The following VWC2L variants were observed in gnomAD, a reference collection of about 807,000 sequenced individuals.
VWC2L encodes von Willebrand factor C domain-containing protein 2-like.
Under a neutral mutation model 21.6 loss-of-function variants are expected in VWC2L, and 10 were observed. The ratio of observed to expected loss-of-function variants is 0.46; its 90% CI spans 0.29 to 0.78. The LOEUF (loss-of-function observed/expected upper bound fraction) is 0.78, where lower values mean the gene tolerates loss of function less well. VWC2L is among the 30% of genes least tolerant of loss of function. The pLI, the probability that VWC2L is intolerant of heterozygous loss-of-function variation, is 0.10. For synonymous variants in VWC2L, 96 were observed against 94.3 expected, an observed-to-expected ratio of 1.02 and a Z score of -0.10; for missense variants, 209 against 277.1, an observed-to-expected ratio of 0.75 and a Z score of 1.74.
chr2:214,488,467 T>C (rs1390431233), intron 3 of VWC2L, among the ~76,000 whole-genome samples: 1 of 151,982 alleles, frequency 6.6e-6, no homozygotes, highest in African/African-American at 2.4e-5. Flanking sequence ...GCCGTAGTGG[T>C]GTACACATGT....
intron 3 of VWC2L, among the ~76,000 whole-genome samples, chr2:214,542,196 A>C (rs759888303): frequency 1.3e-4 from 20 of 152,236 alleles, no homozygotes; most frequent in Admixed American, 3.3e-4. Flanking sequence ...TTTTGGGAAA[A>C]CAAGCTATGC....
At chr2:214,487,185 T>C (rs1688682866) in intron 3 of VWC2L, among the ~76,000 whole-genome samples, 1 of 152,208 alleles carries the variant, frequency 6.6e-6, no homozygotes. Context: ...GCCTCCAGAA[T>C]TGTTAGAAAA....
At chr2:214,420,258 C>T (rs539156807) in intron 2 of VWC2L, among the ~76,000 whole-genome samples, 4 of 151,992 alleles carry the variant, frequency 2.6e-5, no homozygotes, top group Admixed American at 1.3e-4. Context: ...TCTGTAAAAA[C>T]GTTTGAGTGG....
chr2:214,427,103 GA>G (rs1322295770), intron 2 of VWC2L, among the ~76,000 whole-genome samples: 1 of 152,080 alleles, frequency 6.6e-6, no homozygotes, highest in Non-Finnish European at 1.5e-5. Flanking sequence ...TTTTAAAAAA[GA>G]AAATGCAAAA....
At chr2:214,504,988 T>C (rs552655565) in intron 3 of VWC2L, among the ~76,000 whole-genome samples, 6 of 152,160 alleles carry the variant, frequency 3.9e-5, no homozygotes, top group African/African-American at 7.2e-5. Context: ...CTTAAAGATA[T>C]CATAATTAGT....
chr2:214,436,316 A>C (rs745868754), intron 2 of VWC2L: 13 of 234,098 alleles, frequency 5.6e-5, no homozygotes, highest in Admixed American at 9.6e-5. Flanking sequence ...CAATCAGTAC[A>C]TCTGGAAAAC....
intron 3 of VWC2L, among the ~76,000 whole-genome samples, chr2:214,461,866 G>C (rs77559336): frequency 6.6e-6 from 1 of 152,208 alleles, no homozygotes; most frequent in African/African-American, 2.4e-5. Flanking sequence ...TCTGGTGTGC[G>C]TGTGGTTGCT....
intron 3 of VWC2L, among the ~76,000 whole-genome samples, chr2:214,566,667 G>C (rs1349943305): frequency 6.6e-6 from 1 of 151,852 alleles, no homozygotes; most frequent in Non-Finnish European, 1.5e-5. Flanking sequence ...TCTACTCTTT[G>C]GTCTGGAAGC....
chr2:214,510,970 C>T (rs1689042243), intron 3 of VWC2L, among the ~76,000 whole-genome samples: 1 of 152,168 alleles, frequency 6.6e-6, no homozygotes, highest in Non-Finnish European at 1.5e-5. Flanking sequence ...ACCAACATAA[C>T]ACTTTGAACC....
At chr2:214,453,883 G>C (rs1029978737) in intron 3 of VWC2L, among the ~76,000 whole-genome samples, 1 of 151,780 alleles carries the variant, frequency 6.6e-6, no homozygotes, top group Admixed American at 6.6e-5. Context: ...GCCACACCCA[G>C]CTAATTTTTT....
At chr2:214,456,030 T>C (rs941632370) in intron 3 of VWC2L, among the ~76,000 whole-genome samples, 8 of 152,188 alleles carry the variant, frequency 5.3e-5, no homozygotes, top group African/African-American at 1.9e-4. Context: ...GATATACTGA[T>C]TTCCTTTCCT....
chr2:214,568,342 C>CA (rs1197901061), intron 3 of VWC2L, among the ~76,000 whole-genome samples: 1 of 152,136 alleles, frequency 6.6e-6, no homozygotes, highest in Admixed American at 6.6e-5. Flanking sequence ...TCCCTGAAGG[C>CA]AAAAACTCTT....
At chr2:214,519,464 C>G (rs938223892) in intron 3 of VWC2L, among the ~76,000 whole-genome samples, 8 of 152,186 alleles carry the variant, frequency 5.3e-5, no homozygotes, top group Non-Finnish European at 1.2e-4. Flanking sequence ...ACACAGTGCT[C>G]TGACAGCTGT....
At chr2:214,455,813 G>A (rs1191252487) in intron 3 of VWC2L, among the ~76,000 whole-genome samples, 2 of 152,074 alleles carry the variant, frequency 1.3e-5, no homozygotes, top group Non-Finnish European at 2.9e-5. Context: ...TTCTCTTTCT[G>A]TGCTTGGCTC....
chr2:214,448,506 T>C (rs1702906067), intron 3 of VWC2L, among the ~76,000 whole-genome samples: 1 of 152,180 alleles, frequency 6.6e-6, no homozygotes. Context: ...AGCCTGCACA[T>C]ATTAACTGAT....
intron 3 of VWC2L, among the ~76,000 whole-genome samples, chr2:214,537,679 A>T (rs1689557313): frequency 6.6e-6 from 1 of 152,104 alleles, no homozygotes; most frequent in South Asian, 2.1e-4. Context: ...CATTGTATAC[A>T]TACATCATAA....
At chr2:214,445,682 A>G (rs1379829363) in intron 3 of VWC2L, among the ~76,000 whole-genome samples, 3 of 151,774 alleles carry the variant, frequency 2.0e-5, no homozygotes. Context: ...GATAATTTTT[A>G]TTTTCTTCCT....
intron 3 of VWC2L, among the ~76,000 whole-genome samples, chr2:214,546,550 T>C (rs1689709730): frequency 6.6e-6 from 1 of 152,178 alleles, no homozygotes. Context: ...AAATGAAGTA[T>C]AATGTTCACA....
chr2:214,486,758 T>C (rs1688678275), intron 3 of VWC2L, among the ~76,000 whole-genome samples: 1 of 152,222 alleles, frequency 6.6e-6, no homozygotes, highest in South Asian at 2.1e-4. Context: ...CTGTCACTAC[T>C]CTGCTTTTAA....
Sources: allele counts gnomAD v4.1 joint callset (sites outside exome capture counted in the v4.1 genomes callset), GRCh38; gene constraint gnomAD v4.1.1; transcripts MANE v1.5; gene names NCBI Gene and HGNC (gene_info 2026-07-23, HGNC 2026-07-21).